Variants in LILRB3 observed in about 807,000 individuals in gnomAD.
The protein encoded by LILRB3 is leukocyte immunoglobulin-like receptor subfamily B member 3.
In LILRB3, 32 loss-of-function variants were observed where a neutral mutation model predicts 68.2. The ratio of observed to expected loss-of-function variants is 0.47; its 90% CI spans 0.35 to 0.63. The LOEUF (loss-of-function observed/expected upper bound fraction) is 0.63. Ranked by LOEUF, LILRB3 falls within the 30% of genes least tolerant of loss-of-function variation. The pLI is 0.00. For missense variants in LILRB3, 502 were observed against 791.3 expected (o/e 0.63, Z 4.39); for synonymous variants, 185 against 323.1 (o/e 0.57, Z 4.58).
rs111355853 is a variant in LILRB3, at chr19:54,220,511, G to A, written c.1258+17C>T. 141,216 of 1,306,164 alleles carry A rather than the reference G, an allele frequency of 0.11. 9,852 individuals carry two copies. Among genetic ancestry groups the A allele is most frequent in the South Asian group, 0.27 (20,547 of 77,386 alleles). 80.9% of individuals were successfully genotyped at this position (1,306,164 alleles called of 1,614,324 possible). A position where few individuals can be genotyped will look rare whatever the true frequency, so the allele number is the denominator to read the frequency against. On this transcript the variant is annotated intron_variant, in intron 6 of 12. Transcript: ENST00000445347. The stretch of plus-strand genomic sequence containing the variant: ...CTGAGCCTTTGAGCTCAGAGAGGAC[G>A]GGGTCAGCGCCCTCACCTGAGACCA...
At chr19:54,216,374 A>G (rs1261655451) in exon 13 of LILRB3, 5 of 139,116 alleles carry the variant, frequency 3.6e-5, no homozygotes, top group African/African-American at 1.1e-4. Flanking sequence ...CAGTGGTGCG[A>G]TCTCAGCTCA....
chr19:54,218,574 C>T (rs201622263), intron 10 of LILRB3, 71 bp downstream of exon 10: 51 of 1,611,676 alleles, frequency 3.2e-5, no homozygotes, highest in Non-Finnish European at 4.1e-5. Flanking sequence ...CCCAGCCCCT[C>T]CCTGTTGCTA....
chr19:54,221,691 A>G, intron 4 of LILRB3, 137 bp downstream of exon 4: 3 of 1,589,410 alleles, frequency 1.9e-6, no homozygotes, highest in East Asian at 4.6e-5. Flanking sequence ...GAGCCTCCCC[A>G]TGGGGTCTCC....
intron 11 of LILRB3, 142 bp downstream of exon 11, chr19:54,218,219 A>G: frequency 4.3e-6 from 5 of 1,171,504 alleles, no homozygotes; most frequent in Non-Finnish European, 1.3e-6. Context: ...GTGAGGTCAC[A>G]GCAGGCGGGA....
intron 7 of LILRB3, chr19:54,219,558 A>T: frequency 6.5e-7 from 1 of 1,549,992 alleles, no homozygotes; most frequent in Non-Finnish European, 8.7e-7. Context: ...GTCCTGAACC[A>T]CGGCCCTGCT....
chr19:54,219,839 C>T (rs1035534365), intron 7 of LILRB3: 2 of 1,543,692 alleles, frequency 1.3e-6, no homozygotes, highest in African/African-American at 2.7e-5. Context: ...CTGGACCCCG[C>T]CCATCTCCCA....
chr19:54,222,029 A>T (rs1350927185), exon 4 of LILRB3: 2 of 1,611,042 alleles, frequency 1.2e-6, no homozygotes, highest in African/African-American at 2.7e-5. Flanking sequence ...ATCAGAACAA[A>T]ATGGTGATAT....
exon 2 of LILRB3, chr19:54,222,761 G>A (rs776323404): frequency 1.9e-6 from 3 of 1,612,638 alleles, no homozygotes; most frequent in Admixed American, 1.7e-5. Flanking sequence ...CTGCATGCGG[G>A]TCCTGGGGCC....
Position 54,218,617 on chromosome 19 carries a change from C to A in LILRB3, c.1540+28G>T, listed in dbSNP as rs773543839. On this transcript the variant is annotated intron_variant, in intron 10 of 12. Transcript: ENST00000445347. ...TTTGGGACTCCTGTCTCTCCAGCACCCCCATTTGTCCCCTCTCTTCCTCTT... is the reference window on the plus strand; with the variant it reads ...TTTGGGACTCCTGTCTCTCCAGCACACCCATTTGTCCCCTCTCTTCCTCTT... 1.9e-6 allele frequency: 3 copies of A among 1,614,020 alleles called. No individual in the cohort carries two copies. The African/African-American group carries it at 4.0e-5, about 22-fold the overall frequency.
intron 9 of LILRB3, 36 bp downstream of exon 9, chr19:54,218,727 G>C (rs2077747425): frequency 6.2e-6 from 10 of 1,614,154 alleles, no homozygotes; most frequent in South Asian, 1.1e-5. Flanking sequence ...ATGGGCTGTG[G>C]TGGGTGGGAG....
chr19:54,217,447 C>T (rs748161213), exon 12 of LILRB3: 23 of 1,609,624 alleles, frequency 1.4e-5, no homozygotes, highest in Non-Finnish European at 1.8e-5. Flanking sequence ...GCATACGTCA[C>T]TGCCTGGGGG....
chr19:54,218,315 C>G, intron 11 of LILRB3, 46 bp downstream of exon 11: 1 of 1,611,764 alleles, frequency 6.2e-7, no homozygotes, highest in Non-Finnish European at 8.5e-7. Flanking sequence ...AGGATTAGAT[C>G]TGGCACCAGG....
At chr19:54,222,846 T>C in intron 1 of LILRB3, 64 bp from the exon 2 acceptor site, 5 of 1,612,606 alleles carry the variant, frequency 3.1e-6, no homozygotes, top group African/African-American at 2.7e-5. Flanking sequence ...CCCGGGTGCC[T>C]CCTGAGCTTT....
At chr19:54,218,236 A>C (rs3865480) in intron 11 of LILRB3, 125 bp downstream of exon 11, 2 of 1,321,606 alleles carry the variant, frequency 1.5e-6, no homozygotes, top group African/African-American at 1.4e-5. Flanking sequence ...GGGAGGCAGC[A>C]TGCTGGACAA....
intron 7 of LILRB3, chr19:54,219,446 C>G (rs543555565): frequency 1.3e-6 from 2 of 1,532,224 alleles, no homozygotes; most frequent in East Asian, 2.4e-5. Flanking sequence ...AGGCCTCCAG[C>G]GAGGAAGCGG....
Position 54,218,640 on chromosome 19 carries a change from C to T in LILRB3, c.1540+5G>A. 6.2e-7 allele frequency: 1 copy of T among 1,614,170 alleles called. No homozygotes were observed. Among genetic ancestry groups the T allele is most frequent in the Non-Finnish European group, 8.5e-7 (1 of 1,180,046 alleles). ...ACCCCCATTTGTCCCCTCTCTTCCT[C>T]TTACAGAGGTTTTCTTCCTGGACGT... is the stretch of plus-strand genomic sequence containing the variant. On this transcript the variant is annotated splice_donor_5th_base_variant and intron_variant, in intron 10 of 12. Transcript: ENST00000445347.
At chr19:54,220,908 C>T (rs2078098362) in intron 5 of LILRB3, 78 bp from the exon 6 acceptor site, 1 of 1,392,940 alleles carries the variant, frequency 7.2e-7, no homozygotes, top group African/African-American at 1.9e-5. Flanking sequence ...TCCCTGGGAC[C>T]CTCAGTGTCT....
At chr19:54,218,109 G>T (rs1380504002) in intron 11 of LILRB3, among the ~76,000 whole-genome samples, 1 of 151,002 alleles carries the variant, frequency 6.6e-6, no homozygotes, top group Admixed American at 6.6e-5. Flanking sequence ...TCCTCCTGAG[G>T]CCTGGGGAGA....
At chr19:54,220,710 T>A (rs1461530457) in exon 6 of LILRB3, 2 of 1,533,094 alleles carry the variant, frequency 1.3e-6, no homozygotes, top group Non-Finnish European at 1.8e-6. Flanking sequence ...GGCTGCCCCT[T>A]CTTTGGTCAG....
Sources: allele counts gnomAD v4.1 joint callset (sites outside exome capture counted in the v4.1 genomes callset), GRCh38; gene constraint gnomAD v4.1.1; transcripts MANE v1.5; gene names NCBI Gene and HGNC (gene_info 2026-07-23, HGNC 2026-07-21).